TAFA2: variants seen among roughly 807,000 people sequenced by gnomAD.
TAFA2 encodes TAFA chemokine like family member 2, also known as chemokine-like protein TAFA-2.
In TAFA2, 7 loss-of-function variants were observed where a neutral mutation model predicts 18.8. The observed-to-expected ratio is 0.37, with a 90% CI of 0.21 to 0.70. TAFA2 has a LOEUF of 0.70. TAFA2 is among the 30% of genes least tolerant of loss of function. The pLI is 0.53. For missense variants in TAFA2, 122 were observed against 158.1 expected (o/e 0.77, Z 1.23); for synonymous variants, 60 against 54.2 (o/e 1.11, Z -0.47).
At chr12:61,990,227 T>A (rs2136687522) in intron 1 of TAFA2, among the ~76,000 whole-genome samples, 1 of 152,302 alleles carries the variant, frequency 6.6e-6, no homozygotes, top group South Asian at 2.1e-4. Context: ...CTCAGCTTTC[T>A]ATTACTGTTC....
intron 1 of TAFA2, among the ~76,000 whole-genome samples, chr12:62,149,539 A>C (rs1353407460): frequency 6.8e-6 from 1 of 147,308 alleles, no homozygotes; most frequent in East Asian, 1.9e-4. Flanking sequence ...TTGCTATATG[A>C]ATTTCCTTAA....
intron 1 of TAFA2, among the ~76,000 whole-genome samples, chr12:62,029,381 C>A (rs183677779): frequency 1.3e-5 from 2 of 152,070 alleles, no homozygotes; most frequent in Non-Finnish European, 2.9e-5. Context: ...TTATCAGAAC[C>A]ATTTTATTGA....
At chr12:61,830,668 T>C (rs948580923) in intron 2 of TAFA2, among the ~76,000 whole-genome samples, 1 of 151,970 alleles carries the variant, frequency 6.6e-6, no homozygotes, top group African/African-American at 2.4e-5. Context: ...CGAGTGATGG[T>C]TGCACTAAAT....
At chr12:61,891,809 G>C (rs1875649083) in intron 1 of TAFA2, among the ~76,000 whole-genome samples, 1 of 152,124 alleles carries the variant, frequency 6.6e-6, no homozygotes, top group Non-Finnish European at 1.5e-5. Flanking sequence ...AGTCAGCAGA[G>C]TGATCCTGGC....
chr12:62,069,235 A>G (rs1476695817), intron 1 of TAFA2, among the ~76,000 whole-genome samples: 4 of 152,144 alleles, frequency 2.6e-5, no homozygotes, highest in Non-Finnish European at 5.9e-5. Flanking sequence ...TGTGACCCTA[A>G]CAGCAAATCC....
intron 1 of TAFA2, among the ~76,000 whole-genome samples, chr12:61,884,169 A>G (rs1050490433): frequency 2.0e-5 from 3 of 152,168 alleles, no homozygotes; most frequent in Admixed American, 2.0e-4. Context: ...GCTCCACGCT[A>G]AAGTGTATTA....
intron 2 of TAFA2, chr12:61,827,352 C>T (rs945017040): frequency 1.3e-5 from 2 of 152,024 alleles, no homozygotes; most frequent in Admixed American, 1.3e-4. Context: ...AGTCATGTTG[C>T]TGAACTTATA....
intron 1 of TAFA2, among the ~76,000 whole-genome samples, chr12:62,227,977 T>C (rs2062794955): frequency 6.6e-6 from 1 of 152,220 alleles, no homozygotes; most frequent in Non-Finnish European, 1.5e-5. Flanking sequence ...GTATATGTTT[T>C]TATGTGGGTG....
At chr12:62,222,673 A>ATTTTTT (rs767010579) in intron 1 of TAFA2, among the ~76,000 whole-genome samples, 5 of 140,894 alleles carry the variant, frequency 3.5e-5, no homozygotes, top group African/African-American at 1.1e-4. Context: ...CGCCCAGCTA[A>ATTTTTT]TTTTTTTTTT....
intron 1 of TAFA2, among the ~76,000 whole-genome samples, chr12:61,968,200 T>C (rs1488467674): frequency 6.6e-6 from 1 of 151,822 alleles, no homozygotes; most frequent in Non-Finnish European, 1.5e-5. Flanking sequence ...TTTTTCTATA[T>C]ACAACCTGCT....
chr12:61,929,164 A>G (rs906849809), intron 1 of TAFA2, among the ~76,000 whole-genome samples: 5 of 152,106 alleles, frequency 3.3e-5, no homozygotes, highest in Admixed American at 2.0e-4. Context: ...TAATTTAAAA[A>G]AAAAAAAAAA....
intron 1 of TAFA2, among the ~76,000 whole-genome samples, chr12:62,136,800 T>C (rs529218197): frequency 6.6e-6 from 1 of 152,194 alleles, no homozygotes; most frequent in African/African-American, 2.4e-5. Context: ...AGTATAGCCA[T>C]TGGCTAAGTA....
intron 1 of TAFA2, among the ~76,000 whole-genome samples, chr12:62,043,416 G>A (rs1281082986): frequency 6.8e-6 from 1 of 147,658 alleles, no homozygotes; most frequent in East Asian, 2.1e-4. Flanking sequence ...TGAACAATGA[G>A]AACACATGGA....
intron 2 of TAFA2, among the ~76,000 whole-genome samples, chr12:61,779,652 C>A (rs574340373): frequency 1.3e-5 from 2 of 151,896 alleles, no homozygotes; most frequent in East Asian, 3.9e-4. Context: ...GGGGATAAAT[C>A]ATAGAAAAGA....
At chr12:61,937,975 A>G (rs2121411114) in intron 1 of TAFA2, among the ~76,000 whole-genome samples, 1 of 152,242 alleles carries the variant, frequency 6.6e-6, no homozygotes, top group Middle Eastern at 3.4e-3. Context: ...AAATAATCCC[A>G]TCAAAAAGTG....
At chr12:62,032,116 G>A (rs979392139) in intron 1 of TAFA2, among the ~76,000 whole-genome samples, 8 of 152,126 alleles carry the variant, frequency 5.3e-5, no homozygotes, top group Admixed American at 2.6e-4. Flanking sequence ...TACCAACCTG[G>A]AAAAGTATAG....
In TAFA2 at chr12:61,934,291, G is replaced by C. The variant is rs1270437516; in HGVS notation, c.-1-66865C>G. On this transcript the variant is annotated intron_variant, in intron 1 of 4. Transcript: ENST00000416284. ...ACTTATCAGAGAGAAGAGAATACTA[G>C]CACCCCTAGTCTGCCCACAAAGTCC... is the stretch of plus-strand genomic sequence containing the variant. Among the ~76,000 whole-genome samples, 5 of 152,248 alleles carry C rather than the reference G, an allele frequency of 3.3e-5. No individual in the cohort carries two copies. The East Asian group carries it at 9.6e-4, about 29-fold the overall frequency.
chr12:61,969,963 G>A (rs1012455018), intron 1 of TAFA2, among the ~76,000 whole-genome samples: 1 of 151,566 alleles, frequency 6.6e-6, no homozygotes, highest in Non-Finnish European at 1.5e-5. Context: ...TCAGAGAAAG[G>A]ATGAGAAAGG....
chr12:62,053,127 G>A (rs149108464), intron 1 of TAFA2, among the ~76,000 whole-genome samples: 12 of 152,234 alleles, frequency 7.9e-5, no homozygotes, highest in Non-Finnish European at 1.5e-4. Flanking sequence ...CTTCCAAAAT[G>A]AGAGTTAATT....
Sources: gnomAD v4.1 joint callset for allele counts (sites outside exome capture counted in the v4.1 genomes callset) on GRCh38, gnomAD v4.1.1 for gene constraint, MANE v1.5 for transcripts, NCBI Gene and HGNC (gene_info 2026-07-23, HGNC 2026-07-21) for gene names.